Variants in HECTD4 observed in about 807,000 individuals in gnomAD.
HECTD4 encodes probable E3 ubiquitin-protein ligase HECTD4.
In HECTD4, 114 loss-of-function variants were observed where a neutral mutation model predicts 471.5. The observed-to-expected ratio is 0.24, with a 90% CI of 0.21 to 0.28. HECTD4 has a LOEUF of 0.28. Among genes scored for constraint, HECTD4 ranks in the 10% least tolerant of loss-of-function variants. The pLI is 1.00. For missense variants in HECTD4, 3,866 were observed against 5,651.5 expected (o/e 0.68, Z 10.13); for synonymous variants, 2,012 against 2,256.0 (o/e 0.89, Z 3.07).
chr12:112,195,114 C>A (rs370063862), intron 55 of HECTD4, 48 bp from the exon 56 acceptor site: 25 of 1,509,098 alleles, frequency 1.7e-5, no homozygotes, highest in Non-Finnish European at 2.2e-5. Context: ...GATGCTCCGG[C>A]CCCCATACCG....
intron 59 of HECTD4, 103 bp downstream of exon 59, chr12:112,192,457 G>T: frequency 1.2e-6 from 1 of 859,032 alleles, no homozygotes; most frequent in Middle Eastern, 2.3e-4. Flanking sequence ...TTATCAATAG[G>T]AACTGGAACA....
In HECTD4 at chr12:112,193,536, G is replaced by C. The variant is rs1483282779; in HGVS notation, c.8888C>G (p.Thr2963Ser). 1.2e-6 allele frequency: 2 copies of C among 1,612,712 alleles called. No individual in the cohort carries two copies. Among genetic ancestry groups the C allele is most frequent in the South Asian group, 1.1e-5 (1 of 90,672 alleles). The change falls in exon 57 of 76, where the codon ACC becomes AGC. Residue 2963 changes from threonine (T) to serine (S), a missense_variant. This residue lies in a region of HECTD4 where 364 missense variants were observed against 413.2 expected (regional missense o/e 0.88). Coordinates refer to ENST00000682272, the MANE Select transcript of HECTD4 (RefSeq NM_001388303.1). The surrounding 1 kb of genome is among the most constrained non-coding windows in gnomAD (Gnocchi z 5.2). Reference sequence around the variant, plus strand: ...CTCCTCGCCCTGGTGCAGGGTCCGGGTGATGGCCACGTTGAGCCACTCTCT... The same window carrying C: ...CTCCTCGCCCTGGTGCAGGGTCCGGCTGATGGCCACGTTGAGCCACTCTCT... ...TVREWLNVAI[T>S]RTLHQGEESL... is the part of the protein sequence containing the mutation.
chr12:112,244,977 ATTTTG>A (rs2033726304), intron 29 of HECTD4, among the ~76,000 whole-genome samples: 1 of 152,124 alleles, frequency 6.6e-6, no homozygotes, highest in African/African-American at 2.4e-5. Flanking sequence ...GAAAAAAAAC[ATTTTG>A]TTTTATTTTT....
Position 112,184,842 on chromosome 12 carries a change from A to T in HECTD4, c.10124T>A (p.Leu3375Gln). The T allele has an allele frequency of 6.2e-7, 1 of 1,607,876 alleles. No homozygotes were observed. Among genetic ancestry groups the T allele is most frequent in the Non-Finnish European group, 8.5e-7 (1 of 1,175,790 alleles). Residue 3375 changes from leucine (L) to glutamine (Q), a missense_variant, in exon 61 of 76, where the codon CTG (leucine) becomes CAG (glutamine). Physicochemically the swap from Leu to Gln is moderately radical, Grantham distance 113. This residue lies in a region of HECTD4 where 71 missense variants were observed against 144.5 expected (regional missense o/e 0.49). Coordinates refer to ENST00000682272, the MANE Select transcript of HECTD4 (RefSeq NM_001388303.1). This position sits in a 1 kb window ranked among gnomAD's most constrained non-coding sequence, Gnocchi z 9.1. ...GGCGATGGCGTCACTCGTCACGCCC[A>T]GCCCCTGTGGGTCCTTCCTGGTGAG... ...RHLTRKDPQG[L>Q]GVTSDAIADA...
intron 20 of HECTD4, among the ~76,000 whole-genome samples, chr12:112,257,659 A>G (rs758697890): frequency 1.3e-5 from 2 of 152,204 alleles, no homozygotes; most frequent in African/African-American, 4.8e-5. Flanking sequence ...TGTTGTATAT[A>G]ACAAAAGTTC....
At chr12:112,253,512 T>G (rs1473124568) in intron 22 of HECTD4, among the ~76,000 whole-genome samples, 1 of 152,246 alleles carries the variant, frequency 6.6e-6, no homozygotes, top group Admixed American at 6.5e-5. Flanking sequence ...GAACAGACTT[T>G]GGAGACATTT....
Position 112,325,863 on chromosome 12 carries a change from T to C in HECTD4, c.178-6121A>G, listed in dbSNP as rs2035731918. 2.0e-5 allele frequency among the ~76,000 whole-genome samples: 3 copies of C among 151,734 alleles called. No homozygotes were observed. The South Asian group carries it at 6.3e-4, about 32-fold the overall frequency. On this transcript the variant is annotated intron_variant, in intron 1 of 75. Transcript: ENST00000682272. ...GGTTGACTCCAGCAGCCTTGCTCTG[T>C]CACCCAGGCTGCTGGAGTGCAGTGG...
At chr12:112,199,533 A>G (rs909777035) in intron 55 of HECTD4, among the ~76,000 whole-genome samples, 4 of 152,196 alleles carry the variant, frequency 2.6e-5, no homozygotes, top group African/African-American at 9.7e-5. Flanking sequence ...CATGAAAAAT[A>G]GTTTCTGGAA....
chr12:112,171,528 C>T (rs1361223757), intron 67 of HECTD4, among the ~76,000 whole-genome samples: 1 of 152,198 alleles, frequency 6.6e-6, no homozygotes, highest in Non-Finnish European at 1.5e-5. Context: ...AGGGCCATGC[C>T]AGGGCTGTGC....
intron 12 of HECTD4, 101 bp from the exon 13 acceptor site, chr12:112,269,950 C>A (rs963943956): frequency 9.5e-6 from 10 of 1,054,014 alleles, no homozygotes; most frequent in African/African-American, 4.8e-5. Context: ...GAACAAATAA[C>A]CAGGTGGATT....
Position 112,248,520 on chromosome 12 carries a change from C to T in HECTD4, c.3951-8G>A. On this transcript the variant is annotated splice_polypyrimidine_tract_variant and splice_region_variant and intron_variant, in intron 25 of 75. Coordinates refer to ENST00000682272, the MANE Select transcript of HECTD4 (RefSeq NM_001388303.1). ...TCTGGCTGAATCACTTCTCTGTGAT[C>T]ACAATGGAAATCAGTCAGATATATG... The T allele has an allele frequency of 5.1e-6, 8 of 1,584,066 alleles. No individual in the cohort carries two copies. The highest frequency in any genetic ancestry group is 6.9e-6 in the Non-Finnish European group (8 of 1,164,988).
At position 112,270,988 on chromosome 12, in the gene HECTD4, A is replaced by C. The variant is rs552542220; in HGVS notation, c.1943-529T>G. Among the ~76,000 whole-genome samples the C allele has an allele frequency of 2.7e-4, 41 of 152,318 alleles. No individual in the cohort carries two copies. In the East Asian group the frequency reaches 7.1e-3, roughly 27 times the overall value. On this transcript the variant is annotated intron_variant, in intron 11 of 75. Coordinates refer to ENST00000682272, the MANE Select transcript of HECTD4 (RefSeq NM_001388303.1). ...GCTGAAAATGCCCGTTAGATAACCA[A>C]GTGGAAGTGAATCCACAGTCTGGAG...
Position 112,194,818 on chromosome 12 carries a change from A to G in HECTD4, c.8749+67T>C. 7.0e-7 allele frequency: 1 copy of G among 1,420,686 alleles called. No individual in the cohort carries two copies. The highest frequency in any genetic ancestry group is 1.3e-5 in the South Asian group (1 of 78,714). The allele number at this position is 1,420,686 out of a possible 1,614,324, so 88.0% of individuals were successfully genotyped here. On this transcript the variant is annotated intron_variant, in intron 56 of 75. Coordinates refer to ENST00000682272, the MANE Select transcript of HECTD4 (RefSeq NM_001388303.1). This position sits in a 1 kb window ranked among gnomAD's most constrained non-coding sequence, Gnocchi z 4.6. ...ATTTCTCGCCCTCATGCAGGGAATG[A>G]CTACACTGTGCACAGCGCCCGCCTG...
intron 60 of HECTD4, among the ~76,000 whole-genome samples, chr12:112,190,504 T>C (rs80009232): frequency 0.015 from 2,350 of 152,320 alleles, 71 homozygotes; most frequent in African/African-American, 0.053. Flanking sequence ...TGGCATATAC[T>C]TCTGTTTTAA....
At position 112,266,024 on chromosome 12, in the gene HECTD4, C is replaced by T. The variant is rs532844209; in HGVS notation, c.2393-41G>A. ...GCTCCATCAACTACCCTGGTAATGA[C>T]TCCTAGAATACTGATGCTATTTTTA... On this transcript the variant is annotated intron_variant, in intron 14 of 75. Transcript: ENST00000682272. 37 of 1,365,654 alleles carry T rather than the reference C, an allele frequency of 2.7e-5. No homozygotes were observed. In the Admixed American group the frequency reaches 3.8e-4, roughly 14 times the overall value. 84.6% of individuals were successfully genotyped at this position (1,365,654 alleles called of 1,614,324 possible). A position where few individuals can be genotyped will look rare whatever the true frequency, so the allele number is the denominator to read the frequency against.
At chr12:112,253,321 C>T (rs1309661391) in intron 22 of HECTD4, among the ~76,000 whole-genome samples, 3 of 152,012 alleles carry the variant, frequency 2.0e-5, no homozygotes, top group Non-Finnish European at 4.4e-5. Context: ...GACAGGGTTT[C>T]ATCATGTTGG....
At chr12:112,190,624 C>T (rs2032045654) in intron 60 of HECTD4, among the ~76,000 whole-genome samples, 162 bp downstream of exon 60, 1 of 152,176 alleles carries the variant, frequency 6.6e-6, no homozygotes, top group African/African-American at 2.4e-5. Context: ...ACCTTAAGAT[C>T]TATTCCCCAA....
At chr12:112,248,992 A>G (rs1351285949) in intron 25 of HECTD4, among the ~76,000 whole-genome samples, 4 of 152,248 alleles carry the variant, frequency 2.6e-5, no homozygotes, top group African/African-American at 9.6e-5. Flanking sequence ...GAATAGTATA[A>G]TGGCATTGTC....
At chr12:112,303,256 C>T (rs1342285517) in intron 7 of HECTD4, among the ~76,000 whole-genome samples, 2 of 152,178 alleles carry the variant, frequency 1.3e-5, no homozygotes, top group Non-Finnish European at 2.9e-5. Context: ...TCACGGTCTA[C>T]CACCTTGTCT....
Sources: allele counts gnomAD v4.1 joint callset (sites outside exome capture counted in the v4.1 genomes callset), GRCh38; gene constraint gnomAD v4.1.1; regional missense constraint gnomAD v4.1.1; non-coding constraint Gnocchi (gnomAD v3.1); transcripts MANE v1.5; gene names NCBI Gene and HGNC (gene_info 2026-07-23, HGNC 2026-07-21).